POLR1E: variants seen among roughly 807,000 people sequenced by gnomAD.
POLR1E encodes RNA polymerase I subunit E, also known as DNA-directed RNA polymerase I subunit RPA49.
In POLR1E, 37 loss-of-function variants were observed where a neutral mutation model predicts 50.9. That is an observed-to-expected ratio of 0.73 (90% CI 0.56 to 0.96). The LOEUF (loss-of-function observed/expected upper bound fraction) is 0.96, where lower values mean the gene tolerates loss of function less well. POLR1E is among the 40% of genes least tolerant of loss of function. The probability of loss-of-function intolerance (pLI) is 0.00; values close to 1 mark genes in which losing one functional copy is unlikely to be tolerated. For missense variants in POLR1E, 426 were observed against 518.1 expected (o/e 0.82, Z 1.73); for synonymous variants, 166 against 191.6 (o/e 0.87, Z 1.10).
In POLR1E at chr9:37,503,561, G is replaced by T. The variant is rs1820933894; in HGVS notation, c.*359G>T. 5.9e-6 allele frequency: 1 copy of T among 169,376 alleles called. No homozygotes were observed. The highest frequency in any genetic ancestry group is 1.9e-4 in the South Asian group (1 of 5,184). 10.5% of individuals were successfully genotyped at this position (169,376 alleles called of 1,614,324 possible). Reference sequence around the variant, plus strand: ...TGGCCACACTCCATCCTGGGTCACAGAGTGAGACCTTGTCTCAAAAAAGTA... The same window carrying T: ...TGGCCACACTCCATCCTGGGTCACATAGTGAGACCTTGTCTCAAAAAAGTA... On this transcript the variant is annotated 3_prime_UTR_variant, in exon 12 of 12. Coordinates refer to ENST00000377798, the MANE Select transcript of POLR1E (RefSeq NM_022490.4).
At position 37,490,018 on chromosome 9, in the gene POLR1E, A is replaced by G. The variant is rs920048812; in HGVS notation, c.343+618A>G. On this transcript the variant is annotated intron_variant, in intron 4 of 11. Transcript: ENST00000377798. Reference sequence around the variant, plus strand: ...CTTGAGGTCAGAGGTTCATAAAAGCAATCTGAGCAATGATCAGAGCAGAAT... The same window carrying G: ...CTTGAGGTCAGAGGTTCATAAAAGCGATCTGAGCAATGATCAGAGCAGAAT... 3.5e-5 allele frequency among the ~76,000 whole-genome samples: 5 copies of G among 144,040 alleles called. No individual in the cohort carries two copies. In the East Asian group the frequency reaches 1.0e-3, roughly 30 times the overall value. The allele number at this position is 144,040 out of a possible 152,430, so 94.5% of individuals were successfully genotyped here.
rs991286803 is a variant in POLR1E at position 37,489,186 on chromosome 9, C to T, written c.258-129C>T. ...CCGGGAGGTGGAGGTTGCAGTGAGC[C>T]GAGATCATGCCACTCCACTCCAGCC... On this transcript the variant is annotated intron_variant, in intron 3 of 11. Transcript: ENST00000377798. The T allele has an allele frequency of 1.0e-4, 60 of 594,342 alleles. 1 individual carries two copies. The East Asian group carries it at 1.3e-3, about 13-fold the overall frequency. 36.8% of individuals were successfully genotyped at this position (594,342 alleles called of 1,614,324 possible). A position where few individuals can be genotyped will look rare whatever the true frequency, so the allele number is the denominator to read the frequency against.
chr9:37,486,415 C>G, intron 1 of POLR1E: 1 of 1,527,970 alleles, frequency 6.5e-7, no homozygotes, highest in Non-Finnish European at 8.8e-7. Flanking sequence ...CTTCACTGGG[C>G]AGGGGTTCCT....
Position 37,489,842 on chromosome 9 carries a change from A to G in POLR1E, c.343+442A>G, listed in dbSNP as rs551844685. Among the ~76,000 whole-genome samples, 18 of 152,266 alleles carry G rather than the reference A, an allele frequency of 1.2e-4. No individual in the cohort carries two copies. The South Asian group carries it at 2.9e-3, about 25-fold the overall frequency. On this transcript the variant is annotated intron_variant, in intron 4 of 11. Coordinates refer to ENST00000377798, the MANE Select transcript of POLR1E (RefSeq NM_022490.4). ...ACCTGCCTCGGCCTCCCAAAGTGCT[A>G]GGATTACAGGCGCTAGCCACTGCGC...
chr9:37,496,965 C>CA (rs1820797265), intron 8 of POLR1E, among the ~76,000 whole-genome samples: 1 of 152,182 alleles, frequency 6.6e-6, no homozygotes, highest in South Asian at 2.1e-4. Context: ...GCTTTACTGG[C>CA]ATCATCTCTT....
chr9:37,487,940 G>A lies in POLR1E; in HGVS notation c.257+1G>A, dbSNP rs753716814. On this transcript the variant is annotated splice_donor_variant, in intron 3 of 11. Transcript: ENST00000377798. LOFTEE classifies it high-confidence loss of function. ...CCCTCAAATGCAACACTTTGTGCAGGTAATGGCAGGGGAAGGGACAGTGGG... is the reference window on the plus strand; with the variant it reads ...CCCTCAAATGCAACACTTTGTGCAGATAATGGCAGGGGAAGGGACAGTGGG... 2 of 1,613,986 alleles carry A rather than the reference G, an allele frequency of 1.2e-6. No individual in the cohort carries two copies. Among genetic ancestry groups the A allele is most frequent in the Non-Finnish European group, 1.7e-6 (2 of 1,179,932 alleles).
rs748549089 is a variant in POLR1E, at chr9:37,495,988, TA to T, written c.752+3del. On this transcript the variant is annotated splice_donor_region_variant and intron_variant, in intron 8 of 11. Transcript: ENST00000377798. ...ACTGAAGATGATTGAGGAGAACAGG[TA>T]CCCTGACTTAAGCAGATGGGGATTC... 1.9e-4 allele frequency: 303 copies of T among 1,609,800 alleles called. No homozygotes were observed. Among genetic ancestry groups the T allele is most frequent in the Non-Finnish European group, 2.4e-4 (284 of 1,176,300 alleles).
At chr9:37,493,815 TTCAGCCTCTTGCTG>T in intron 6 of POLR1E, 112 bp downstream of exon 6, 2 of 1,193,748 alleles carry the variant, frequency 1.7e-6, no homozygotes, top group Non-Finnish European at 2.2e-6. Context: ...CTGGATTCCT[TTCAGCCTCTTGCTG>T]AAGGCCTTCT....
Position 37,495,264 on chromosome 9 carries a change from A to G in POLR1E, c.643A>G (p.Lys215Glu). The G allele has an allele frequency of 6.2e-7, 1 of 1,613,104 alleles. No individual in the cohort carries two copies. The highest frequency in any genetic ancestry group is 8.5e-7 in the Non-Finnish European group (1 of 1,179,146). The change falls in exon 7 of 12, where the codon AAA becomes GAA. Residue 215 changes from lysine to glutamate, a missense_variant. Coordinates refer to ENST00000377798, the MANE Select transcript of POLR1E (RefSeq NM_022490.4). ...DDAAKPEDVY[K>E]FEDLLSPAEY... ...TGCAGCCAAGCCTGAAGACGTGTAT[A>G]AATTTGAAGATCGTATCCTTCTTGC...
chr9:37,500,744 C>A, intron 9 of POLR1E, 96 bp from the exon 10 acceptor site: 1 of 889,230 alleles, frequency 1.1e-6, no homozygotes, highest in Non-Finnish European at 1.8e-6. Flanking sequence ...CTGGTCATTG[C>A]AGTGGCCCAG....
rs200930198 is a variant in POLR1E, at chr9:37,486,784, G to A, written c.158G>A (p.Arg53Lys). 6 of 1,612,930 alleles carry A rather than the reference G, an allele frequency of 3.7e-6. No individual in the cohort carries two copies. The highest frequency in any genetic ancestry group is 3.4e-6 in the Non-Finnish European group (4 of 1,179,786). Residue 53 changes from arginine (R) to lysine (K), a missense_variant, in exon 2 of 12, where the codon AGG (arginine) becomes AAG (lysine). Physicochemically the swap from Arg to Lys is conservative, Grantham distance 26. Transcript: ENST00000377798. The stretch of plus-strand genomic sequence containing the variant: ...GAGAACAAAGATTCCACCAACCCCA[G>A]GAAGAGGAATCAACGGATCCTGGTA... ...LYENKDSTNP[R>K]KRNQRILAAE...
chr9:37,500,180 GTTTTGTTTTGTTTTGT>G (rs1348032597), intron 9 of POLR1E, among the ~76,000 whole-genome samples: 2 of 149,422 alleles, frequency 1.3e-5, no homozygotes, highest in Admixed American at 1.3e-4. Context: ...GTTTTGTTTT[GTTTTGTTTTGTTTTGT>G]TTTTTTGAGA....
chr9:37,496,018 G>A (rs372254576), intron 8 of POLR1E, 32 bp downstream of exon 8: 469 of 1,559,670 alleles, frequency 3.0e-4, no homozygotes, highest in Non-Finnish European at 3.7e-4. Flanking sequence ...GGGATTCTGG[G>A]GAGTGCTGTT....
intron 11 of POLR1E, among the ~76,000 whole-genome samples, chr9:37,502,353 C>T (rs560170533): frequency 1.4e-4 from 22 of 152,302 alleles, no homozygotes; most frequent in South Asian, 1.2e-3. Flanking sequence ...CCAGGGGAAC[C>T]GCTGGTTCCA....
At chr9:37,491,008 T>G (rs1193225971) in intron 4 of POLR1E, 1 of 285,610 alleles carries the variant, frequency 3.5e-6, no homozygotes, top group Non-Finnish European at 6.7e-6. Context: ...AGGAAATTGC[T>G]TATTAAGTTG....
chr9:37,492,770 G>C (rs535641892), intron 5 of POLR1E, 55 bp downstream of exon 5: 3 of 1,509,218 alleles, frequency 2.0e-6, no homozygotes, highest in Non-Finnish European at 1.8e-6. Flanking sequence ...TCTACACCTC[G>C]GGTTTCTCCA....
At position 37,501,331 on chromosome 9, in the gene POLR1E, G is replaced by A. The variant is rs538690407; in HGVS notation, c.969-382G>A. Among the ~76,000 whole-genome samples the A allele has an allele frequency of 1.1e-4, 16 of 152,364 alleles. No individual in the cohort carries two copies. The East Asian group carries it at 2.3e-3, about 22-fold the overall frequency. ...GCTTCCTTCCTGCCATTTGCATGGC[G>A]TGTGTTTTCTGCTCTTGAGTGTGCT... On this transcript the variant is annotated intron_variant, in intron 10 of 11. Transcript: ENST00000377798.
chr9:37,493,097 G>A (rs1820714039), intron 5 of POLR1E, among the ~76,000 whole-genome samples: 1 of 152,222 alleles, frequency 6.6e-6, no homozygotes, highest in East Asian at 1.9e-4. Context: ...TCCCTACAAA[G>A]GTCATCTCAC....
At chr9:37,498,402 C>G (rs1820822429) in intron 9 of POLR1E, among the ~76,000 whole-genome samples, 178 bp downstream of exon 9, 1 of 152,188 alleles carries the variant, frequency 6.6e-6, no homozygotes, top group Non-Finnish European at 1.5e-5. Flanking sequence ...GCCCCTTTTT[C>G]TCTCTGGATC....
Sources: gnomAD v4.1 joint callset for allele counts (sites outside exome capture counted in the v4.1 genomes callset) on GRCh38, gnomAD v4.1.1 for gene constraint, MANE v1.5 for transcripts, NCBI Gene and HGNC (gene_info 2026-07-23, HGNC 2026-07-21) for gene names.